The following YIPF3 variants were observed in gnomAD, a reference collection of about 807,000 sequenced individuals.
YIPF3 encodes Yip1 domain family member 3.
YIPF3 carries 18 observed loss-of-function variants against 40.3 expected under a neutral mutation model. The observed-to-expected ratio is 0.45, with a 90% CI of 0.31 to 0.66. YIPF3 has a LOEUF of 0.66. Ranked by LOEUF, YIPF3 falls within the 30% of genes least tolerant of loss-of-function variation. The probability of loss-of-function intolerance (pLI) is 0.07; values close to 1 mark genes in which losing one functional copy is unlikely to be tolerated. For synonymous variants in YIPF3, 190 were observed against 179.6 expected (o/e 1.06, Z -0.46); for missense variants, 406 against 452.2 (o/e 0.90, Z 0.93).
rs745847941 is a variant in YIPF3, at chr6:43,512,524, G to C, written c.820C>G (p.Arg274Gly). 7 of 1,612,770 alleles carry C rather than the reference G, an allele frequency of 4.3e-6. No individual in the cohort carries two copies. The highest frequency in any genetic ancestry group is 5.9e-6 in the Non-Finnish European group (7 of 1,179,906). ...GCCAGGGTGCCACAGAGGAGCAGCC[G>C]CTGTGTGGGGCCCACGGTCCGAGAC... Reference protein sequence around the residue: ...LVSRTVGPTQRLLLCGTLAAL... With the variant: ...LVSRTVGPTQGLLLCGTLAAL... Residue 274 changes from arginine to glycine, a missense_variant, in exon 8 of 9, where the codon CGG becomes GGG. Physicochemically the swap from Arg to Gly is moderately radical, Grantham distance 125. Coordinates refer to ENST00000372422, the MANE Select transcript of YIPF3 (RefSeq NM_015388.4).
At position 43,513,349 on chromosome 6, in the gene YIPF3, T is replaced by C. The variant is rs757779904; in HGVS notation, c.534+10A>G. ...GCAGCCACCCCCCCAAAGTTGTCTG[T>C]CCTGCTTACGATAATAGTGTCAGAC... On this transcript the variant is annotated intron_variant, in intron 5 of 8. Transcript: ENST00000372422. 1.2e-6 allele frequency: 2 copies of C among 1,614,022 alleles called. No individual in the cohort carries two copies. The highest frequency in any genetic ancestry group is 1.1e-5 in the South Asian group (1 of 91,092).
chr6:43,514,971 C>G (rs1226530614), intron 3 of YIPF3, among the ~76,000 whole-genome samples: 1 of 150,654 alleles, frequency 6.6e-6, no homozygotes, highest in Admixed American at 6.6e-5. Flanking sequence ...GAAGTGCTGT[C>G]TATTAGAGGC....
chr6:43,512,786 A>G lies in YIPF3; in HGVS notation c.755T>C (p.Val252Ala), dbSNP rs1486040245. ...CATGCGCAGTGTGGACAGTCCACCC[A>G]CCAACAGCCAGAAGAGGTAGAAGAG... ...HALFYLFWLL[V>A]GGLSTLRMVA... The change falls in exon 7 of 9, where the codon GTG becomes GCG. Residue 252 changes from valine (V) to alanine (A), a missense_variant. Physicochemically the swap from Val to Ala is moderately conservative, Grantham distance 64. Transcript: ENST00000372422. The G allele has an allele frequency of 6.2e-7, 1 of 1,613,932 alleles. No individual in the cohort carries two copies. Among genetic ancestry groups the G allele is most frequent in the East Asian group, 2.2e-5 (1 of 44,880 alleles).
Position 43,516,071 on chromosome 6 carries a change from T to C in YIPF3, c.106A>G (p.Met36Val), listed in dbSNP as rs200691280. The C allele has an allele frequency of 6.2e-6, 10 of 1,614,268 alleles. No individual in the cohort carries two copies. Among genetic ancestry groups the C allele is most frequent in the Non-Finnish European group, 8.5e-6 (10 of 1,180,050 alleles). ...CCTGAGGTATCATCCATGTTCTCCA[T>C]GTCAATCACAGCTGAGCCTCCGCCC... ...IQGGGSAVID[M>V]ENMDDTSGSS... is the part of the protein sequence containing the mutation. The change falls in exon 2 of 9, where the codon ATG becomes GTG. Residue 36 changes from methionine to valine, a missense_variant. Met to Val is a conservative substitution (Grantham distance 21). Coordinates refer to ENST00000372422, the MANE Select transcript of YIPF3 (RefSeq NM_015388.4).
intron 6 of YIPF3, 88 bp from the exon 7 acceptor site, chr6:43,512,962 T>C (rs1458338938): frequency 1.4e-5 from 23 of 1,591,916 alleles, no homozygotes; most frequent in South Asian, 2.3e-5. Context: ...ACATGGTCCA[T>C]TGGCCTACTC....
intron 1 of YIPF3, 126 bp from the exon 2 acceptor site, chr6:43,516,221 C>T: frequency 6.7e-7 from 1 of 1,498,586 alleles, no homozygotes; most frequent in Non-Finnish European, 8.9e-7. Flanking sequence ...CACTACAGAT[C>T]ATGCCACTCC....
intron 7 of YIPF3, 81 bp downstream of exon 7, chr6:43,512,680 T>C: frequency 1.9e-6 from 3 of 1,555,802 alleles, no homozygotes; most frequent in Non-Finnish European, 2.6e-6. Context: ...TAGGGCTCTT[T>C]GTGAGATGGA....
In YIPF3 at chr6:43,513,430, C is replaced by T; in HGVS notation, c.463G>A (p.Gly155Arg). The change falls in exon 5 of 9, where the codon GGA becomes AGA. Residue 155 changes from glycine to arginine, a missense_variant. Coordinates refer to ENST00000372422, the MANE Select transcript of YIPF3 (RefSeq NM_015388.4). ...FPQKIAGELY[G>R]PLMLVFTLVA... ...AGAGTGAAGACCAGCATGAGAGGTC[C>T]ATAGAGTTCACCTGCAATTTTCTGT... The T allele has an allele frequency of 6.2e-7, 1 of 1,614,176 alleles. No homozygotes were observed. The highest frequency in any genetic ancestry group is 1.1e-5 in the South Asian group (1 of 91,080).
In YIPF3 at chr6:43,513,632, G is replaced by A. The variant is rs567399578; in HGVS notation, c.397C>T (p.Leu133Phe). 4.5e-6 allele frequency: 7 copies of A among 1,558,744 alleles called. No homozygotes were observed. The South Asian group carries it at 7.3e-5, about 16-fold the overall frequency. ...DVEPAQVRSR[L>F]LESMIPIKMV... ...TTGATAGGGATCATGGACTCCAGGA[G>A]CCTGGGAGAGGAGAGGAGAGATTAA... is the stretch of plus-strand genomic sequence containing the variant. The change falls in exon 4 of 9, where the codon CTC becomes TTC. Residue 133 changes from leucine (L) to phenylalanine (F), a missense_variant and splice_region_variant. By Grantham distance (22) the Leu-to-Phe change is conservative. Coordinates refer to ENST00000372422, the MANE Select transcript of YIPF3 (RefSeq NM_015388.4).
rs200381174 is a variant in YIPF3 at position 43,512,282 on chromosome 6, G to A, written c.938C>T (p.Pro313Leu). The change falls in exon 9 of 9, where the codon CCG becomes CTG. Residue 313 changes from proline (P) to leucine (L), a missense_variant. By Grantham distance (98) the Pro-to-Leu change is moderately conservative. Coordinates refer to ENST00000372422, the MANE Select transcript of YIPF3 (RefSeq NM_015388.4). ...GTCTCTGGGGACCCTCTGGATGGGC[G>A]GGATGTTGGGGCCCTCCAGTGTGTC... Reference protein sequence around the residue: ...ILDTLEGPNIPPIQRVPRDIP... With the variant: ...ILDTLEGPNILPIQRVPRDIP... The A allele has an allele frequency of 2.4e-5, 38 of 1,611,400 alleles. No individual in the cohort carries two copies. The highest frequency in any genetic ancestry group is 3.0e-5 in the Non-Finnish European group (35 of 1,178,560).
intron 4 of YIPF3, 22 bp downstream of exon 4, chr6:43,513,566 A>G: frequency 6.3e-7 from 1 of 1,592,408 alleles, no homozygotes; most frequent in Non-Finnish European, 8.6e-7. Context: ...CCGGCTCTCC[A>G]GACATGCCAC....
At chr6:43,516,652 A>AG in intron 1 of YIPF3, 75 bp downstream of exon 1, 2 of 1,548,560 alleles carry the variant, frequency 1.3e-6, no homozygotes, top group Admixed American at 1.8e-5. Context: ...CCAGGCCCAG[A>AG]GGGGGAATCC....
Position 43,516,820 on chromosome 6 carries a change from C to T in YIPF3, c.-13G>A. On this transcript the variant is annotated 5_prime_UTR_variant, in exon 1 of 9. Coordinates refer to ENST00000372422, the MANE Select transcript of YIPF3 (RefSeq NM_015388.4). ...CTGTAGTTGCCATGTCCCTTGAGGGCTCCCGTCGCTGAAACCCGCGCTAGC... is the reference window on the plus strand; with the variant it reads ...CTGTAGTTGCCATGTCCCTTGAGGGTTCCCGTCGCTGAAACCCGCGCTAGC... 1 of 1,562,952 alleles carries T rather than the reference C, an allele frequency of 6.4e-7. No homozygotes were observed. The highest frequency in any genetic ancestry group is 8.7e-7 in the Non-Finnish European group (1 of 1,153,322).
In YIPF3 at chr6:43,512,505, G is replaced by C; in HGVS notation, c.839C>G (p.Thr280Ser). The C allele has an allele frequency of 6.2e-7, 1 of 1,613,498 alleles. No individual in the cohort carries two copies. Among genetic ancestry groups the C allele is most frequent in the Non-Finnish European group, 8.5e-7 (1 of 1,180,024 alleles). Reference sequence around the variant, plus strand: ...GAAGAGCATGTGTAGGGCAGCCAGGGTGCCACAGAGGAGCAGCCGCTGTGT... The same window carrying C: ...GAAGAGCATGTGTAGGGCAGCCAGGCTGCCACAGAGGAGCAGCCGCTGTGT... ...GPTQRLLLCG[T>S]LAALHMLFLL... The change falls in exon 8 of 9, where the codon ACC (threonine) becomes AGC (serine). Residue 280 changes from threonine (T) to serine (S), a missense_variant. By Grantham distance (58) the Thr-to-Ser change is moderately conservative. Transcript: ENST00000372422.
At chr6:43,513,485 T>C (rs771997017) in intron 4 of YIPF3, 34 bp from the exon 5 acceptor site, 30 of 1,613,382 alleles carry the variant, frequency 1.9e-5, no homozygotes, top group Non-Finnish European at 2.5e-5. Flanking sequence ...GGCTGGAGGG[T>C]ACAACAGCTC....
At chr6:43,514,570 C>T (rs1303063407) in intron 3 of YIPF3, among the ~76,000 whole-genome samples, 3 of 152,192 alleles carry the variant, frequency 2.0e-5, no homozygotes, top group African/African-American at 7.2e-5. Context: ...CTGTCCCACC[C>T]ACCAACCTGC....
rs1437186033 is a variant in YIPF3, at chr6:43,513,456, C to T, written c.442-5G>A. On this transcript the variant is annotated splice_region_variant and splice_polypyrimidine_tract_variant and intron_variant, in intron 4 of 8. Coordinates refer to ENST00000372422, the MANE Select transcript of YIPF3 (RefSeq NM_015388.4). ...ATAGAGTTCACCTGCAATTTTCTGTCAATATACCAATTCATTCAGGCTGGA... is the reference window on the plus strand; with the variant it reads ...ATAGAGTTCACCTGCAATTTTCTGTTAATATACCAATTCATTCAGGCTGGA... 5 of 1,614,054 alleles carry T rather than the reference C, an allele frequency of 3.1e-6. No individual in the cohort carries two copies. The highest frequency in any genetic ancestry group is 1.3e-5 in the African/African-American group (1 of 74,932).
Position 43,512,831 on chromosome 6 carries a change from T to A in YIPF3, c.710A>T (p.Tyr237Phe), listed in dbSNP as rs753834559. 3.1e-6 allele frequency: 5 copies of A among 1,613,934 alleles called. No homozygotes were observed. The South Asian group carries it at 5.5e-5, about 18-fold the overall frequency. Residue 237 changes from tyrosine (Y) to phenylalanine (F), a missense_variant, in exon 7 of 9, where the codon TAT becomes TTT. Transcript: ENST00000372422. ...GAAGAGGGCGTGGAGGTGGATATTATAGGTGATGAACAGGACAATGCAATG... is the reference window on the plus strand; with the variant it reads ...GAAGAGGGCGTGGAGGTGGATATTAAAGGTGATGAACAGGACAATGCAATG... ...FGHCIVLFIT[Y>F]NIHLHALFYL...
chr6:43,515,555 G>C (rs773365699), intron 3 of YIPF3, 40 bp downstream of exon 3: 1 of 1,604,082 alleles, frequency 6.2e-7, no homozygotes, highest in South Asian at 1.1e-5. Flanking sequence ...TGAAGGTCTA[G>C]GTGTTAGGAG....
Sources: gnomAD v4.1 joint callset for allele counts (sites outside exome capture counted in the v4.1 genomes callset) on GRCh38, gnomAD v4.1.1 for gene constraint, MANE v1.5 for transcripts, NCBI Gene and HGNC (gene_info 2026-07-23, HGNC 2026-07-21) for gene names.